AGTPBP1: variants seen among roughly 807,000 people sequenced by gnomAD.
AGTPBP1 encodes the protein cytosolic carboxypeptidase 1.
A neutral mutation model predicts 143.9 loss-of-function variants in AGTPBP1; 70 were observed. The ratio of observed to expected loss-of-function variants is 0.49; its 90% CI spans 0.40 to 0.59. AGTPBP1 has a LOEUF of 0.59. Ranked by LOEUF, AGTPBP1 falls within the 20% of genes least tolerant of loss-of-function variation. The pLI is 0.00. For synonymous variants in AGTPBP1, 463 were observed against 500.2 expected (o/e 0.93, Z 0.99); for missense variants, 1,229 against 1,464.5 (o/e 0.84, Z 2.62).
the AGTPBP1 span, chr9:85,793,324 G>A: frequency 6.6e-6 from 1 of 152,076 alleles, no homozygotes; most frequent in Admixed American, 6.6e-5. Context: ...TTTTGCACAT[G>A]TATAGGTATA....
the AGTPBP1 span, among the ~76,000 whole-genome samples, chr9:85,785,159 C>T: frequency 1.3e-5 from 2 of 152,018 alleles, no homozygotes; most frequent in African/African-American, 4.8e-5. Flanking sequence ...ACGGTGAAAC[C>T]CCATCTCTAC....
chr9:85,727,045 T>A (rs1587988507), intron 1 of AGTPBP1, among the ~76,000 whole-genome samples: 1 of 152,168 alleles, frequency 6.6e-6, no homozygotes, highest in Non-Finnish European at 1.5e-5. Flanking sequence ...TGCTCCAAAA[T>A]TCGGCCGGGT....
chr9:85,621,826 T>G (rs1278829529), intron 14 of AGTPBP1, among the ~76,000 whole-genome samples: 2 of 152,186 alleles, frequency 1.3e-5, no homozygotes. Context: ...GAGCAGAGGA[T>G]GATTCCCTGA....
At chr9:85,592,490 TAACTA>T in intron 19 of AGTPBP1, 65 bp downstream of exon 19, 1 of 1,101,080 alleles carries the variant, frequency 9.1e-7, no homozygotes, top group Non-Finnish European at 1.3e-6. Flanking sequence ...TTAGAATATT[TAACTA>T]AACTCAATTT....
intron 1 of AGTPBP1, among the ~76,000 whole-genome samples, chr9:85,719,438 G>C (rs1435707681): frequency 1.3e-5 from 2 of 152,156 alleles, no homozygotes; most frequent in East Asian, 3.8e-4. Flanking sequence ...ATTGTGAATG[G>C]GAGGTCACTC....
At chr9:85,716,543 C>T (rs1837717186) in intron 1 of AGTPBP1, among the ~76,000 whole-genome samples, 2 of 152,214 alleles carry the variant, frequency 1.3e-5, no homozygotes, top group Non-Finnish European at 1.5e-5. Context: ...TTGCTCAATT[C>T]AAAACCTTAG....
Position 85,588,299 on chromosome 9 carries a change from T to G in AGTPBP1, c.2902A>C (p.Asn968His), listed in dbSNP as rs1272342898. Residue 968 changes from asparagine (N) to histidine (H), a missense_variant and splice_region_variant, in exon 21 of 26, where the codon AAT becomes CAT. Transcript: ENST00000357081. Reference sequence around the variant, plus strand: ...TTCTACAACTATTGCTTAACTTACTTTCCATTGATGACACCATCTGGATTT... The same window carrying G: ...TTCTACAACTATTGCTTAACTTACTGTCCATTGATGACACCATCTGGATTT... ...MLNPDGVINGNHRCSLSGEDL... is the reference protein window; with the variant it reads ...MLNPDGVINGHHRCSLSGEDL... 9.4e-6 allele frequency: 15 copies of G among 1,597,654 alleles called. No individual in the cohort carries two copies. Among genetic ancestry groups the G allele is most frequent in the Non-Finnish European group, 1.2e-5 (14 of 1,172,134 alleles).
intron 1 of AGTPBP1, among the ~76,000 whole-genome samples, chr9:85,723,361 C>T (rs1318554812): frequency 6.6e-6 from 1 of 152,208 alleles, no homozygotes; most frequent in African/African-American, 2.4e-5. Flanking sequence ...TCTTTGTTTA[C>T]ACTGTGAGCA....
chr9:85,800,232 G>A, the AGTPBP1 span, among the ~76,000 whole-genome samples: 4 of 152,308 alleles, frequency 2.6e-5, no homozygotes, highest in East Asian at 7.7e-4. Context: ...GGGCAGCATG[G>A]AATGGAGTAG....
intron 1 of AGTPBP1, among the ~76,000 whole-genome samples, chr9:85,718,486 C>T (rs1837869690): frequency 6.6e-6 from 1 of 152,164 alleles, no homozygotes; most frequent in African/African-American, 2.4e-5. Context: ...AGTATATGTT[C>T]ATATCCTTTG....
chr9:85,791,820 T>C, the AGTPBP1 span, among the ~76,000 whole-genome samples: 1 of 151,898 alleles, frequency 6.6e-6, no homozygotes, highest in Non-Finnish European at 1.5e-5. Context: ...ATGTTTACTA[T>C]TCACTCAGGA....
chr9:85,786,003 T>G, the AGTPBP1 span: 2 of 881,892 alleles, frequency 2.3e-6, no homozygotes, highest in Non-Finnish European at 3.5e-6. Flanking sequence ...ATTATGCATA[T>G]TGGGTGATAA....
In AGTPBP1 at chr9:85,549,478, C is replaced by G. The variant is rs543802830; in HGVS notation, c.3504-2192G>C. Among the ~76,000 whole-genome samples the G allele has an allele frequency of 9.8e-5, 15 of 152,306 alleles. No individual in the cohort carries two copies. The East Asian group carries it at 2.3e-3, about 24-fold the overall frequency. On this transcript the variant is annotated intron_variant, in intron 25 of 25. Coordinates refer to ENST00000357081, the MANE Select transcript of AGTPBP1 (RefSeq NM_001330701.2). ...CATAAGTGAAACTGGTTGCTGGGAG[C>G]CCAGCCACTGCACTGGGATCAGAGT...
rs529759209 is a variant in AGTPBP1 at position 85,633,298 on chromosome 9, G to A, written c.1379C>T (p.Thr460Met). The A allele has an allele frequency of 3.3e-5, 54 of 1,613,662 alleles. No individual in the cohort carries two copies. Among genetic ancestry groups the A allele is most frequent in the East Asian group, 1.1e-4 (5 of 44,862 alleles). ...GKVRGPIVVP[T>M]AGEETSGNSG... Reference sequence around the variant, plus strand: ...ATTCCCAGATGTTTCCTCGCCTGCCGTAGGAACAACAATAGGACCACGTAC... The same window carrying A: ...ATTCCCAGATGTTTCCTCGCCTGCCATAGGAACAACAATAGGACCACGTAC... Residue 460 changes from threonine (T) to methionine (M), a missense_variant, in exon 14 of 26, where the codon ACG becomes ATG. This residue lies in a region of AGTPBP1 where 743 missense variants were observed against 812.2 expected (regional missense o/e 0.91). Coordinates refer to ENST00000357081, the MANE Select transcript of AGTPBP1 (RefSeq NM_001330701.2).
At chr9:85,558,022 G>C (rs1293496035) in intron 25 of AGTPBP1, among the ~76,000 whole-genome samples, 1 of 152,078 alleles carries the variant, frequency 6.6e-6, no homozygotes. Flanking sequence ...ACCAAATTAG[G>C]TTTTTTAAAA....
At chr9:85,567,814 C>T (rs1188705176) in intron 25 of AGTPBP1, among the ~76,000 whole-genome samples, 1 of 151,866 alleles carries the variant, frequency 6.6e-6, no homozygotes. Context: ...TGAGAAATTC[C>T]AATACAGGAA....
At chr9:85,559,158 C>T (rs1826537036) in intron 25 of AGTPBP1, among the ~76,000 whole-genome samples, 1 of 152,094 alleles carries the variant, frequency 6.6e-6, no homozygotes, top group Non-Finnish European at 1.5e-5. Context: ...TTTATGAGTC[C>T]TACCAGTATT....
intron 14 of AGTPBP1, among the ~76,000 whole-genome samples, chr9:85,622,894 CTATT>C (rs1296653072): frequency 6.6e-6 from 1 of 152,116 alleles, no homozygotes; most frequent in South Asian, 2.1e-4. Context: ...CTAAATATAT[CTATT>C]TGTCAGAATA....
At chr9:85,608,855 G>A (rs946224349) in intron 17 of AGTPBP1, among the ~76,000 whole-genome samples, 7 of 151,986 alleles carry the variant, frequency 4.6e-5, no homozygotes, top group Admixed American at 2.0e-4. Flanking sequence ...GGGAACCCAC[G>A]CAGGAGGATG....
Sources: allele counts gnomAD v4.1 joint callset (sites outside exome capture counted in the v4.1 genomes callset), GRCh38; gene constraint gnomAD v4.1.1; regional missense constraint gnomAD v4.1.1; transcripts MANE v1.5; gene names NCBI Gene and HGNC (gene_info 2026-07-23, HGNC 2026-07-21).